CCDC152: variants seen among roughly 807,000 people sequenced by gnomAD.
CCDC152 encodes coiled-coil domain-containing protein 152.
CCDC152 carries 37 observed loss-of-function variants against 38.1 expected under a neutral mutation model. The observed-to-expected ratio is 0.97, with a 90% confidence interval of 0.75 to 1.28. The LOEUF (loss-of-function observed/expected upper bound fraction) is 1.28. CCDC152 is among the 50% of genes most tolerant of loss of function. The pLI is 0.00. For synonymous variants in CCDC152, 83 were observed against 87.1 expected (o/e 0.95, Z 0.26); for missense variants, 259 against 292.1 (o/e 0.89, Z 0.83).
intron 6 of CCDC152, among the ~76,000 whole-genome samples, chr5:42,791,907 C>CT (rs1223550067): frequency 2.6e-5 from 4 of 152,164 alleles, no homozygotes; most frequent in Non-Finnish European, 5.9e-5. Flanking sequence ...CTTGCAGATA[C>CT]TTTTAGATAT....
chr5:42,776,568 A>G (rs930336823), intron 4 of CCDC152, among the ~76,000 whole-genome samples: 3 of 152,228 alleles, frequency 2.0e-5, no homozygotes, highest in Non-Finnish European at 2.9e-5. Flanking sequence ...TCAATTGACT[A>G]TAATGGACAT....
rs2910859 is a variant in CCDC152, at chr5:42,769,355, A to G, written c.194-242A>G. Among the ~76,000 whole-genome samples the G allele has an allele frequency of 2.1e-3, 316 of 151,962 alleles. 2 individuals are homozygous for G. Among genetic ancestry groups the G allele is most frequent in the African/African-American group, 7.2e-3 (299 of 41,484 alleles). On this transcript the variant is annotated intron_variant, in intron 3 of 8. Transcript: ENST00000361970. ...ATTAAATATTATTATTATTATTTTT[A>G]GAGACAGGGTCTTGCTCTGTCACTC...
intron 1 of CCDC152, among the ~76,000 whole-genome samples, chr5:42,757,314 C>T (rs1278281551): frequency 6.6e-6 from 1 of 151,958 alleles, no homozygotes; most frequent in Non-Finnish European, 1.5e-5. Flanking sequence ...GGGACCAGAG[C>T]GTGGGGCAGG....
intron 3 of CCDC152, among the ~76,000 whole-genome samples, chr5:42,763,641 A>G (rs1049093171): frequency 1.3e-5 from 2 of 152,206 alleles, no homozygotes; most frequent in African/African-American, 2.4e-5. Context: ...CTTTCTCCCC[A>G]AAACCCATAA....
chr5:42,757,225 G>C (rs956476391), intron 1 of CCDC152, among the ~76,000 whole-genome samples: 1 of 152,220 alleles, frequency 6.6e-6, no homozygotes, highest in African/African-American at 2.4e-5. Flanking sequence ...AGGACACTAG[G>C]ATGACGGAGA....
intron 6 of CCDC152, among the ~76,000 whole-genome samples, chr5:42,784,178 A>G (rs532878591): frequency 6.6e-6 from 1 of 152,282 alleles, no homozygotes; most frequent in South Asian, 2.1e-4. Context: ...AATGTTTTCC[A>G]TAGGGGTGAA....
rs979737993 is a variant in CCDC152 at position 42,771,089 on chromosome 5, A to G, written c.262+1424A>G. Among the ~76,000 whole-genome samples the G allele has an allele frequency of 7.2e-5, 11 of 152,242 alleles. No individual in the cohort carries two copies. In the South Asian group the frequency reaches 1.7e-3, roughly 23 times the overall value. On this transcript the variant is annotated intron_variant, in intron 4 of 8. Coordinates refer to ENST00000361970, the MANE Select transcript of CCDC152 (RefSeq NM_001134848.2). ...TTCTGTTCTGATTTGGATGCCCTTT[A>G]TGTCTTTCTCTTTCCTAATTGCTCT...
chr5:42,796,927 C>G lies in CCDC152; in HGVS notation c.529C>G (p.Gln177Glu), dbSNP rs1162955104. Residue 177 changes from glutamine to glutamate, a missense_variant, in exon 7 of 9, where the codon CAA (glutamine) becomes GAA (glutamate). Gln to Glu is a conservative substitution (Grantham distance 29). Coordinates refer to ENST00000361970, the MANE Select transcript of CCDC152 (RefSeq NM_001134848.2). ...GCTAAGAAGTCAAGAAAAAGAAAAACAAAATGAAATAATCAAGCTACAACT... is the reference window on the plus strand; with the variant it reads ...GCTAAGAAGTCAAGAAAAAGAAAAAGAAAATGAAATAATCAAGCTACAACT... ...AKLRSQEKEK[Q>E]NEIIKLQLEF... The G allele has an allele frequency of 1.3e-6, 2 of 1,523,244 alleles. No individual in the cohort carries two copies. Among genetic ancestry groups the G allele is most frequent in the Non-Finnish European group, 1.8e-6 (2 of 1,138,650 alleles). The allele number at this position is 1,523,244 out of a possible 1,614,324, so 94.4% of individuals were successfully genotyped here. A position where few individuals can be genotyped will look rare whatever the true frequency, so the allele number is the denominator to read the frequency against.
At chr5:42,789,463 G>A (rs1028156205) in intron 6 of CCDC152, among the ~76,000 whole-genome samples, 25 of 152,138 alleles carry the variant, frequency 1.6e-4, no homozygotes, top group South Asian at 2.1e-4. Context: ...CTCCCAAAGT[G>A]CTGAGACTAC....
chr5:42,778,332 C>T (rs368272641), intron 4 of CCDC152, among the ~76,000 whole-genome samples: 4 of 152,062 alleles, frequency 2.6e-5, no homozygotes, highest in Non-Finnish European at 4.4e-5. Context: ...GTCTCCACCC[C>T]CCAAGAGATG....
rs371582737 is a variant in CCDC152, at chr5:42,800,686, G to C, written c.*905G>C. The C allele has an allele frequency of 2.6e-4, 396 of 1,541,210 alleles. No individual in the cohort carries two copies. The highest frequency in any genetic ancestry group is 3.2e-4 in the Non-Finnish European group (367 of 1,144,238). On this transcript the variant is annotated 3_prime_UTR_variant, in exon 9 of 9. Transcript: ENST00000361970. ...AATGCTGGAAATGAAATTGTGTCTA[G>C]ACTAAATTGGGGAGTATGTCCTATT...
intron 3 of CCDC152, among the ~76,000 whole-genome samples, chr5:42,767,225 A>G (rs1382496940): frequency 6.6e-6 from 1 of 152,116 alleles, no homozygotes; most frequent in African/African-American, 2.4e-5. Context: ...AATTTATTCA[A>G]CAACAAAGAA....
intron 6 of CCDC152, among the ~76,000 whole-genome samples, chr5:42,788,992 C>T (rs1338903156): frequency 3.9e-5 from 6 of 152,198 alleles, no homozygotes; most frequent in Non-Finnish European, 8.8e-5. Flanking sequence ...ACAGCCAGTA[C>T]AGCACCCACC....
chr5:42,793,308 A>C (rs1760029653), intron 6 of CCDC152, among the ~76,000 whole-genome samples: 1 of 152,202 alleles, frequency 6.6e-6, no homozygotes, highest in Non-Finnish European at 1.5e-5. Context: ...ATAAAGGGGC[A>C]CAAGGGCTCC....
chr5:42,793,444 A>G (rs1760032102), intron 6 of CCDC152, among the ~76,000 whole-genome samples: 1 of 152,208 alleles, frequency 6.6e-6, no homozygotes, highest in African/African-American at 2.4e-5. Context: ...CGCTGCAGTA[A>G]ATCTGACTTT....
At chr5:42,780,396 T>C (rs1244853212) in intron 5 of CCDC152, among the ~76,000 whole-genome samples, 1 of 152,168 alleles carries the variant, frequency 6.6e-6, no homozygotes, top group Non-Finnish European at 1.5e-5. Context: ...CTGAAATGAA[T>C]CCTACCCTTT....
chr5:42,798,493 C>T (rs1277868943), intron 7 of CCDC152, among the ~76,000 whole-genome samples: 1 of 152,202 alleles, frequency 6.6e-6, no homozygotes, highest in African/African-American at 2.4e-5. Flanking sequence ...AAGTGTACCA[C>T]AAACCACAGG....
At chr5:42,774,198 A>G (rs1759737303) in intron 4 of CCDC152, among the ~76,000 whole-genome samples, 1 of 152,200 alleles carries the variant, frequency 6.6e-6, no homozygotes, top group African/African-American at 2.4e-5. Flanking sequence ...CAGGCTAGGA[A>G]ACCCTAAAAT....
intron 4 of CCDC152, among the ~76,000 whole-genome samples, chr5:42,770,859 T>C (rs1759688354): frequency 6.6e-6 from 1 of 152,148 alleles, no homozygotes; most frequent in Non-Finnish European, 1.5e-5. Flanking sequence ...TCACCTTCTT[T>C]GGTTAATTCT....
Sources: gnomAD v4.1 joint callset for allele counts (sites outside exome capture counted in the v4.1 genomes callset) on GRCh38, gnomAD v4.1.1 for gene constraint, MANE v1.5 for transcripts, NCBI Gene and HGNC (gene_info 2026-07-23, HGNC 2026-07-21) for gene names.